Variants in SLC7A7 observed in about 807,000 individuals in gnomAD.
SLC7A7 encodes the protein solute carrier family 7 member 7.
In SLC7A7, 39 loss-of-function variants were observed where a neutral mutation model predicts 47.9. The observed-to-expected ratio is 0.81, with a 90% CI of 0.63 to 1.06. SLC7A7 has a LOEUF of 1.06. SLC7A7 is among the 50% of genes least tolerant of loss of function. The probability of loss-of-function intolerance (pLI) is 0.00; values close to 1 mark genes in which losing one functional copy is unlikely to be tolerated. For missense variants in SLC7A7, 588 were observed against 632.0 expected, an observed-to-expected ratio of 0.93 and a Z score of 0.75; for synonymous variants, 234 against 242.8, an observed-to-expected ratio of 0.96 and a Z score of 0.34.
In SLC7A7 at chr14:22,774,310, C is replaced by A. The variant is rs1490189751; in HGVS notation, c.1245+44G>T. 3.1e-6 allele frequency: 5 copies of A among 1,613,726 alleles called. No individual in the cohort carries two copies. The East Asian group carries it at 8.9e-5, about 29-fold the overall frequency. On this transcript the variant is annotated intron_variant, in intron 8 of 9. Transcript: ENST00000674313. ...GTCATAGTCCCTTGTAGCAACAACTCCAGCTGTTTCAGGTGGAGCAGAGGT... is the reference window on the plus strand; with the variant it reads ...GTCATAGTCCCTTGTAGCAACAACTACAGCTGTTTCAGGTGGAGCAGAGGT...
In SLC7A7 at chr14:22,774,472, TC is replaced by T; in HGVS notation, c.1126del (p.Glu376LysfsTer143). 6.2e-7 allele frequency: 1 copy of T among 1,614,094 alleles called. No homozygotes were observed. Among genetic ancestry groups the T allele is most frequent in the Non-Finnish European group, 8.5e-7 (1 of 1,180,008 alleles). On this transcript the variant is annotated frameshift_variant, in exon 8 of 10. Transcript: ENST00000674313. LOFTEE classifies it high-confidence loss of function. ...GIMALIYLCV[E>X]DIFQLINYYS... is the part of the protein sequence containing the mutation. Reference sequence around the variant, plus strand: ...GTAGTTAATGAGCTGGAAGATGTCTTCCACGCACAAGTAGATCAATGCCATG... The same window carrying T: ...GTAGTTAATGAGCTGGAAGATGTCTTCACGCACAAGTAGATCAATGCCATG...
chr14:22,810,124 G>A (rs1168346696), intron 2 of SLC7A7, among the ~76,000 whole-genome samples: 2 of 150,430 alleles, frequency 1.3e-5, no homozygotes, highest in Non-Finnish European at 3.0e-5. Context: ...GGTCAGAATC[G>A]AGGAACAAGA....
intron 2 of SLC7A7, among the ~76,000 whole-genome samples, chr14:22,800,103 C>T (rs1278674855): frequency 1.3e-5 from 2 of 152,208 alleles, no homozygotes. Flanking sequence ...CATCATTTCT[C>T]ACTAGGATCA....
intron 4 of SLC7A7, among the ~76,000 whole-genome samples, chr14:22,777,932 AG>A (rs1260092029): frequency 6.6e-6 from 1 of 152,138 alleles, no homozygotes; most frequent in Middle Eastern, 3.2e-3. Context: ...AAAATTAGCC[AG>A]GCGTGGTGGC....
chr14:22,791,014 AG>A (rs1239297875), intron 2 of SLC7A7, among the ~76,000 whole-genome samples: 1 of 151,260 alleles, frequency 6.6e-6, no homozygotes, highest in Non-Finnish European at 1.5e-5. Flanking sequence ...AAAAAAAAAA[AG>A]GTCAAATACG....
intron 2 of SLC7A7, among the ~76,000 whole-genome samples, chr14:22,795,576 A>G (rs3934209): frequency 0.94 from 143,231 of 151,612 alleles, 68,177 homozygotes; most frequent in East Asian, 1. Context: ...CCGGGTTCAC[A>G]CCATTCTCCT....
chr14:22,818,635 CT>C (rs1445872345), upstream of SLC7A7, among the ~76,000 whole-genome samples: 1 of 132,462 alleles, frequency 7.5e-6, no homozygotes, highest in Non-Finnish European at 1.6e-5. Flanking sequence ...TGGAGTTTTG[CT>C]TTGTCCCCCA....
intron 5 of SLC7A7, 81 bp downstream of exon 5, chr14:22,776,114 C>CT: frequency 8.8e-6 from 14 of 1,593,358 alleles, no homozygotes; most frequent in Non-Finnish European, 1.2e-5. Flanking sequence ...TGTCTACCCC[C>CT]TTTCCAGGAC....
upstream of SLC7A7, among the ~76,000 whole-genome samples, chr14:22,818,576 G>C (rs1456184047): frequency 1.1e-5 from 1 of 92,876 alleles, no homozygotes; most frequent in Non-Finnish European, 2.4e-5. Flanking sequence ...TCTACCCCAG[G>C]TTTTTGGTTT....
intron 2 of SLC7A7, among the ~76,000 whole-genome samples, chr14:22,807,189 G>C (rs1208246347): frequency 1.3e-5 from 2 of 152,032 alleles, no homozygotes. Flanking sequence ...GTGAGCCACC[G>C]CGCCGGGCCA....
At chr14:22,789,086 C>G (rs8020146) in intron 2 of SLC7A7, among the ~76,000 whole-genome samples, 3,076 of 152,204 alleles carry the variant, frequency 0.02, 93 homozygotes, top group African/African-American at 0.071. Context: ...AATTCATACA[C>G]GTTACTAATG....
At chr14:22,815,829 AC>A, upstream of SLC7A7, 2 of 374,922 alleles carry the variant, frequency 5.3e-6, no homozygotes, top group South Asian at 2.0e-5. Flanking sequence ...CTTCTCTCTC[AC>A]CCCAAGCATT....
At chr14:22,799,189 T>C (rs1373584205) in intron 2 of SLC7A7, among the ~76,000 whole-genome samples, 2 of 152,190 alleles carry the variant, frequency 1.3e-5, no homozygotes, top group Non-Finnish European at 2.9e-5. Flanking sequence ...ACTCAATCTT[T>C]ACCTAGCTTG....
chr14:22,789,457 G>A (rs754067638), intron 2 of SLC7A7, among the ~76,000 whole-genome samples: 20 of 151,894 alleles, frequency 1.3e-4, no homozygotes, highest in South Asian at 4.2e-4. Context: ...GTGAAACCCC[G>A]TCTCTACTAA....
upstream of SLC7A7, chr14:22,815,648 C>T (rs1404522976): frequency 2.2e-6 from 1 of 454,064 alleles, no homozygotes; most frequent in Admixed American, 2.4e-5. Flanking sequence ...TCTCCTTTGT[C>T]AGCTCTGCTC....
rs1285111671 is a variant in SLC7A7, at chr14:22,806,185, C to CTT, written c.499+6714_499+6715insAA. Among the ~76,000 whole-genome samples, 47 of 119,912 alleles carry CTT rather than the reference C, an allele frequency of 3.9e-4. 1 individual carries two copies. Among genetic ancestry groups the CTT allele is most frequent in the African/African-American group, 4.8e-4 (15 of 30,930 alleles). 78.7% of individuals were successfully genotyped at this position (119,912 alleles called of 152,430 possible). On this transcript the variant is annotated intron_variant, in intron 2 of 9. Transcript: ENST00000674313. ...CTGACATTATCATTCACACATCAAT[C>CTT]TCTTTTTTTTTTTTTTTTTTTTTTT...
intron 2 of SLC7A7, among the ~76,000 whole-genome samples, chr14:22,786,010 A>G (rs1244839290): frequency 7.6e-6 from 1 of 131,704 alleles, no homozygotes; most frequent in Non-Finnish European, 1.6e-5. Context: ...CCACAGAGCG[A>G]GACTCTGTCT....
intron 3 of SLC7A7, among the ~76,000 whole-genome samples, 156 bp downstream of exon 3, chr14:22,779,770 G>T (rs545051868): frequency 1.3e-5 from 2 of 152,138 alleles, no homozygotes; most frequent in South Asian, 4.1e-4. Flanking sequence ...ACTTAATTCT[G>T]CAGGCTGTTT....
intron 2 of SLC7A7, among the ~76,000 whole-genome samples, chr14:22,791,662 G>A (rs1163305584): frequency 6.6e-6 from 1 of 152,046 alleles, no homozygotes; most frequent in African/African-American, 2.4e-5. Flanking sequence ...ATACCCTGGT[G>A]TCTCCAAAAT....
Sources: gnomAD v4.1 joint callset for allele counts (sites outside exome capture counted in the v4.1 genomes callset) on GRCh38, gnomAD v4.1.1 for gene constraint, MANE v1.5 for transcripts, NCBI Gene and HGNC (gene_info 2026-07-23, HGNC 2026-07-21) for gene names.